The following PPP3CC variants were observed in gnomAD, a reference collection of about 807,000 sequenced individuals.
PPP3CC encodes the protein protein phosphatase 3 catalytic subunit gamma.
Under a neutral mutation model 60.3 loss-of-function variants are expected in PPP3CC, and 35 were observed. The observed-to-expected ratio is 0.58, with a 90% confidence interval of 0.44 to 0.77. The LOEUF (loss-of-function observed/expected upper bound fraction) is 0.77, where lower values mean the gene tolerates loss of function less well. Among genes scored for constraint, PPP3CC ranks in the 30% least tolerant of loss-of-function variants. The probability of loss-of-function intolerance (pLI) is 0.00; values close to 1 mark genes in which losing one functional copy is unlikely to be tolerated. For synonymous variants in PPP3CC, 206 were observed against 224.3 expected (o/e 0.92, Z 0.73); for missense variants, 570 against 628.9 (o/e 0.91, Z 1.00).
intron 4 of PPP3CC, among the ~76,000 whole-genome samples, chr8:22,508,985 G>T (rs1001800601): frequency 6.6e-6 from 1 of 152,192 alleles, no homozygotes; most frequent in African/African-American, 2.4e-5. Context: ...AGATTATGCT[G>T]ACTGCTACAA....
intron 1 of PPP3CC, among the ~76,000 whole-genome samples, chr8:22,473,761 C>T (rs994668320): frequency 1.3e-5 from 2 of 151,886 alleles, no homozygotes; most frequent in East Asian, 1.9e-4. Context: ...ACACCACACC[C>T]GGCCCCTTAT....
At chr8:22,455,069 AAAAAAG>A (rs1349244633) in intron 1 of PPP3CC, among the ~76,000 whole-genome samples, 1 of 151,768 alleles carries the variant, frequency 6.6e-6, no homozygotes, top group Non-Finnish European at 1.5e-5. Flanking sequence ...AAAAAAAAAA[AAAAAAG>A]AAAGAAAGGA....
chr8:22,447,767 C>T (rs763833607), intron 1 of PPP3CC, among the ~76,000 whole-genome samples: 13 of 152,076 alleles, frequency 8.5e-5, no homozygotes, highest in Non-Finnish European at 1.6e-4. Context: ...TTTAGTTCCC[C>T]ATATTCAATT....
intron 1 of PPP3CC, among the ~76,000 whole-genome samples, chr8:22,451,351 G>C (rs1837018894): frequency 6.7e-6 from 1 of 148,390 alleles, no homozygotes; most frequent in South Asian, 2.1e-4. Context: ...GGCCAGGCTG[G>C]TCTCAAACTT....
intron 1 of PPP3CC, among the ~76,000 whole-genome samples, chr8:22,470,057 TATACAC>T (rs1322540591): frequency 6.9e-6 from 1 of 144,478 alleles, no homozygotes; most frequent in Non-Finnish European, 1.5e-5. Context: ...GATATATATA[TATACAC>T]ACACACACAC....
chr8:22,463,125 A>G (rs1393006346), intron 1 of PPP3CC, among the ~76,000 whole-genome samples: 3 of 152,208 alleles, frequency 2.0e-5, no homozygotes, highest in East Asian at 1.9e-4. Flanking sequence ...AAATCTTACA[A>G]CAGTGGAGAG....
At chr8:22,487,398 T>C (rs896562461) in intron 3 of PPP3CC, among the ~76,000 whole-genome samples, 1 of 151,934 alleles carries the variant, frequency 6.6e-6, no homozygotes, top group Non-Finnish European at 1.5e-5. Flanking sequence ...CCAAGGAGGG[T>C]GGGTCACCTG....
intron 8 of PPP3CC, 36 bp from the exon 9 acceptor site, chr8:22,527,356 C>T: frequency 6.2e-7 from 1 of 1,609,260 alleles, no homozygotes; most frequent in Non-Finnish European, 8.5e-7. Flanking sequence ...TGCCATGTTC[C>T]TCTGTGCCAG....
At chr8:22,517,443 C>CT (rs57886444) in intron 6 of PPP3CC, among the ~76,000 whole-genome samples, 1 of 151,606 alleles carries the variant, frequency 6.6e-6, no homozygotes, top group Non-Finnish European at 1.5e-5. Flanking sequence ...GGTATTAATT[C>CT]TTTTTTTTAA....
intron 3 of PPP3CC, among the ~76,000 whole-genome samples, chr8:22,496,622 C>T (rs1205523515): frequency 6.6e-6 from 1 of 150,706 alleles, no homozygotes; most frequent in Non-Finnish European, 1.5e-5. Context: ...CTCAGCCTCC[C>T]AGGCAGCTGG....
intron 3 of PPP3CC, 97 bp downstream of exon 3, chr8:22,475,721 C>A (rs772191882): frequency 2.0e-5 from 23 of 1,174,776 alleles, no homozygotes; most frequent in Non-Finnish European, 2.6e-5. Flanking sequence ...AGAACTCTGG[C>A]AGAATTTATA....
chr8:22,514,490 T>A (rs1007190789), intron 6 of PPP3CC, among the ~76,000 whole-genome samples: 7 of 152,032 alleles, frequency 4.6e-5, no homozygotes, highest in South Asian at 2.1e-4. Context: ...AAATATTTTT[T>A]AAAATTTTTG....
At position 22,513,491 on chromosome 8, in the gene PPP3CC, T is replaced by A. The variant is rs1028952601; in HGVS notation, c.770+59T>A. The stretch of plus-strand genomic sequence containing the variant: ...GGAAACTGTAATTCATTTTATCAGA[T>A]GATTTTTCAGCATTTTATATTTCAA... On this transcript the variant is annotated intron_variant, in intron 6 of 13. Transcript: ENST00000240139. 1.1e-5 allele frequency: 16 copies of A among 1,490,602 alleles called. No individual in the cohort carries two copies. In the African/African-American group the frequency reaches 2.1e-4, roughly 20 times the overall value. 92.3% of individuals were successfully genotyped at this position (1,490,602 alleles called of 1,614,324 possible).
intron 8 of PPP3CC, among the ~76,000 whole-genome samples, chr8:22,525,547 T>C (rs1437146307): frequency 2.3e-5 from 3 of 129,132 alleles, no homozygotes; most frequent in South Asian, 2.3e-4. Context: ...TCTCTCCCTC[T>C]CTCTCTCTCT....
chr8:22,462,054 G>A (rs757677540), intron 1 of PPP3CC, among the ~76,000 whole-genome samples: 6 of 152,130 alleles, frequency 3.9e-5, no homozygotes, highest in Non-Finnish European at 8.8e-5. Flanking sequence ...GTTTAACTTA[G>A]TGAGACCTCA....
At chr8:22,456,270 A>G (rs1837192643) in intron 1 of PPP3CC, among the ~76,000 whole-genome samples, 2 of 152,212 alleles carry the variant, frequency 1.3e-5, no homozygotes, top group Admixed American at 6.6e-5. Context: ...GCAGATCTAC[A>G]TCAGATTTTA....
chr8:22,490,847 C>T (rs970390651), intron 3 of PPP3CC, among the ~76,000 whole-genome samples: 17 of 152,110 alleles, frequency 1.1e-4, no homozygotes, highest in Non-Finnish European at 2.2e-4. Flanking sequence ...TTAATCCAGT[C>T]TATCATTGAT....
At position 22,540,837 on chromosome 8, in the gene PPP3CC, A is replaced by C. The variant is rs1379232792; in HGVS notation, c.*35A>C. On this transcript the variant is annotated 3_prime_UTR_variant, in exon 14 of 14. Coordinates refer to ENST00000240139, the MANE Select transcript of PPP3CC (RefSeq NM_005605.5). Reference sequence around the variant, plus strand: ...CTGCCGTGGCTCAGGTGGATCTAAAACTCAAGAACAAATTCTATTTATTTA... The same window carrying C: ...CTGCCGTGGCTCAGGTGGATCTAAACCTCAAGAACAAATTCTATTTATTTA... The C allele has an allele frequency of 4.7e-6, 7 of 1,484,072 alleles. No homozygotes were observed. Among genetic ancestry groups the C allele is most frequent in the Non-Finnish European group, 6.3e-6 (7 of 1,110,436 alleles). The allele number at this position is 1,484,072 out of a possible 1,614,324, so 91.9% of individuals were successfully genotyped here. A position where few individuals can be genotyped will look rare whatever the true frequency, so the allele number is the denominator to read the frequency against.
chr8:22,487,833 T>C (rs544423311), intron 3 of PPP3CC, among the ~76,000 whole-genome samples: 8 of 152,322 alleles, frequency 5.3e-5, no homozygotes, highest in Admixed American at 4.6e-4. Context: ...AGATGACCAA[T>C]TGATGAACAG....
Sources: allele counts gnomAD v4.1 joint callset (sites outside exome capture counted in the v4.1 genomes callset), GRCh38; gene constraint gnomAD v4.1.1; transcripts MANE v1.5; gene names NCBI Gene and HGNC (gene_info 2026-07-23, HGNC 2026-07-21).